NT5DC3: variants seen among roughly 807,000 people sequenced by gnomAD.
NT5DC3 encodes 5'-nucleotidase domain-containing protein 3.
In NT5DC3, 42 loss-of-function variants were observed where a neutral mutation model predicts 67.8. The ratio of observed to expected loss-of-function variants is 0.62; its 90% CI spans 0.48 to 0.80. The LOEUF is 0.80. Among genes scored for constraint, NT5DC3 ranks in the 30% least tolerant of loss-of-function variants. NT5DC3 has a pLI of 0.00. For synonymous variants in NT5DC3, 237 were observed against 255.6 expected (o/e 0.93, Z 0.69); for missense variants, 570 against 696.4 (o/e 0.82, Z 2.04).
the NT5DC3 span, chr12:103,762,232 A>T: frequency 2.5e-6 from 4 of 1,607,256 alleles, no homozygotes; most frequent in Non-Finnish European, 3.4e-6. Context: ...TTGGGGAGTC[A>T]GAAGTTTTAA....
chr12:103,811,456 T>G (rs1887028946), intron 2 of NT5DC3, among the ~76,000 whole-genome samples: 1 of 152,060 alleles, frequency 6.6e-6, no homozygotes, highest in African/African-American at 2.4e-5. Flanking sequence ...ACACTTCACC[T>G]CGTGGTCTTC....
chr12:103,764,173 G>A, the NT5DC3 span, among the ~76,000 whole-genome samples: 5 of 152,146 alleles, frequency 3.3e-5, no homozygotes, highest in Admixed American at 2.0e-4. Context: ...GGCTGGTCTC[G>A]AACTCCCAAC....
intron 2 of NT5DC3, among the ~76,000 whole-genome samples, chr12:103,812,915 A>T (rs181918602): frequency 5.5e-4 from 84 of 152,352 alleles, no homozygotes; most frequent in African/African-American, 1.9e-3. Flanking sequence ...TACCACAGTG[A>T]CTGTGAGGAA....
the NT5DC3 span, chr12:103,761,184 T>C: frequency 4.5e-6 from 4 of 881,604 alleles, no homozygotes; most frequent in Non-Finnish European, 5.4e-6. Flanking sequence ...TGCCTATCAG[T>C]GGAGACAAAC....
intron 1 of NT5DC3, among the ~76,000 whole-genome samples, chr12:103,836,143 T>C (rs1484131219): frequency 1.3e-5 from 2 of 152,164 alleles, no homozygotes; most frequent in Admixed American, 1.3e-4. Context: ...AGATGAGATC[T>C]GGGTGGGGAC....
At position 103,841,217 on chromosome 12, in the gene NT5DC3, A is replaced by G; in HGVS notation, c.-61T>C. On this transcript the variant is annotated 5_prime_UTR_variant, in exon 1 of 14. Coordinates refer to ENST00000392876, the MANE Select transcript of NT5DC3 (RefSeq NM_001031701.3). Reference sequence around the variant, plus strand: ...CTCTGCGACTGCTGCTGCCCGGCCCAAGATCTACCCGCGCTCTGCCCTGCA... The same window carrying G: ...CTCTGCGACTGCTGCTGCCCGGCCCGAGATCTACCCGCGCTCTGCCCTGCA... 1 of 527,446 alleles carries G rather than the reference A, an allele frequency of 1.9e-6. No homozygotes were observed. The allele number at this position is 527,446 out of a possible 1,614,324, so 32.7% of individuals were successfully genotyped here.
At position 103,777,991 on chromosome 12, in the gene NT5DC3, G is replaced by A. The variant is rs1418174207; in HGVS notation, c.1485C>T (p.Arg495=). Residue 495 remains arginine (R), a synonymous_variant, in exon 14 of 14, where the codon CGC becomes CGT. Coordinates refer to ENST00000392876, the MANE Select transcript of NT5DC3 (RefSeq NM_001031701.3). ...NPTYFLRRLS[R]FADIYMASLS... ...GAGACGCCATGTAGATGTCAGCGAA[G>A]CGCGACAGGCGCCTTAGGAAGTAGG... The A allele has an allele frequency of 6.2e-7, 1 of 1,614,236 alleles. No individual in the cohort carries two copies. Among genetic ancestry groups the A allele is most frequent in the South Asian group, 1.1e-5 (1 of 91,090 alleles).
At chr12:103,753,069 T>C in the NT5DC3 span, 4 of 794,350 alleles carry the variant, frequency 5.0e-6, no homozygotes, top group African/African-American at 5.2e-5. Context: ...TTTTAAATGA[T>C]GTACTTCAAC....
At chr12:103,763,473 T>A in the NT5DC3 span, 1 of 1,612,650 alleles carries the variant, frequency 6.2e-7, no homozygotes, top group Non-Finnish European at 8.5e-7. Context: ...CTGGCTTTCA[T>A]GCTTGTCTTT....
chr12:103,817,217 A>C (rs893657735), intron 1 of NT5DC3, among the ~76,000 whole-genome samples: 1 of 152,198 alleles, frequency 6.6e-6, no homozygotes, highest in Non-Finnish European at 1.5e-5. Context: ...GATGAAATTC[A>C]GGATCAAAGA....
chr12:103,777,526 G>T lies in NT5DC3; in HGVS notation c.*303C>A. ...GCTTGACCTGCTAGAATACAGACAT[G>T]GCATCAAGTGGTCTCACCTATCCCA... On this transcript the variant is annotated 3_prime_UTR_variant, in exon 14 of 14. Transcript: ENST00000392876. 2.6e-6 allele frequency: 1 copy of T among 382,724 alleles called. No homozygotes were observed. The highest frequency in any genetic ancestry group is 4.7e-6 in the Non-Finnish European group (1 of 213,358). The allele number at this position is 382,724 out of a possible 1,614,324, so 23.7% of individuals were successfully genotyped here.
downstream of NT5DC3, chr12:103,766,355 C>T: frequency 6.3e-7 from 1 of 1,596,258 alleles, no homozygotes; most frequent in Non-Finnish European, 8.5e-7. Flanking sequence ...ACGGGAGATG[C>T]CAGCCATCAC....
Position 103,805,638 on chromosome 12 carries a change from GAGTT to G in NT5DC3, c.524+680_524+683del, listed in dbSNP as rs1886765025. On this transcript the variant is annotated intron_variant, in intron 4 of 13. Transcript: ENST00000392876. ...AGGCAGGCAGATCACTTGAGGTCAG[GAGTT>G]CAAGACCAGCCTGGCTAATATGGTG... 2.0e-5 allele frequency among the ~76,000 whole-genome samples: 3 copies of G among 152,128 alleles called. No homozygotes were observed. In the South Asian group the frequency reaches 6.2e-4, roughly 32 times the overall value.
chr12:103,786,814 C>T (rs1292303941), intron 11 of NT5DC3, among the ~76,000 whole-genome samples: 2 of 151,988 alleles, frequency 1.3e-5, no homozygotes, highest in Non-Finnish European at 2.9e-5. Flanking sequence ...TCCCCAGTAG[C>T]TGGGATTACA....
chr12:103,802,188 T>C (rs1886616941), intron 4 of NT5DC3: 1 of 152,104 alleles, frequency 6.6e-6, no homozygotes, highest in Non-Finnish European at 1.5e-5. Context: ...CTTGACACAA[T>C]GGACAGTGTA....
chr12:103,794,141 T>C, intron 6 of NT5DC3, 144 bp from the exon 7 acceptor site: 1 of 608,804 alleles, frequency 1.6e-6, no homozygotes, highest in Non-Finnish European at 2.8e-6. Context: ...TTCTGGTCCA[T>C]TTTCTTCTTC....
chr12:103,800,091 G>C (rs1886501008), intron 4 of NT5DC3, among the ~76,000 whole-genome samples: 1 of 152,194 alleles, frequency 6.6e-6, no homozygotes, highest in African/African-American at 2.4e-5. Context: ...ACAACAGGTT[G>C]CTTAGCATAC....
chr12:103,823,016 G>C (rs1274356574), intron 1 of NT5DC3, among the ~76,000 whole-genome samples: 7 of 152,102 alleles, frequency 4.6e-5, no homozygotes, highest in Non-Finnish European at 1.0e-4. Flanking sequence ...AGATACACTT[G>C]AAAATCCTTA....
chr12:103,764,205 G>T, the NT5DC3 span, among the ~76,000 whole-genome samples: 1 of 152,038 alleles, frequency 6.6e-6, no homozygotes, highest in African/African-American at 2.4e-5. Flanking sequence ...CGCCCACCTC[G>T]GCCTCCCAAA....
Sources: gnomAD v4.1 joint callset for allele counts (sites outside exome capture counted in the v4.1 genomes callset) on GRCh38, gnomAD v4.1.1 for gene constraint, MANE v1.5 for transcripts, NCBI Gene and HGNC (gene_info 2026-07-23, HGNC 2026-07-21) for gene names.